Variants in EVL observed in about 807,000 individuals in gnomAD.
EVL encodes Enah/Vasp-like.
EVL carries 21 observed loss-of-function variants against 59.6 expected under a neutral mutation model. The observed-to-expected ratio is 0.35, with a 90% CI of 0.25 to 0.51. The LOEUF is 0.51. Among genes scored for constraint, EVL ranks in the 20% least tolerant of loss-of-function variants. The pLI is 0.97. For missense variants in EVL, 462 were observed against 546.6 expected (o/e 0.85, Z 1.54); for synonymous variants, 198 against 203.5 (o/e 0.97, Z 0.23).
intron 1 of EVL, among the ~76,000 whole-genome samples, chr14:100,011,150 T>C (rs999957500): frequency 6.6e-6 from 1 of 152,244 alleles, no homozygotes; most frequent in Admixed American, 6.5e-5. Context: ...TGATAAGCTA[T>C]GTTTAGATAT....
intron 3 of EVL, among the ~76,000 whole-genome samples, chr14:100,117,278 T>C (rs1001832358): frequency 2.0e-5 from 3 of 152,278 alleles, no homozygotes; most frequent in African/African-American, 7.2e-5. Context: ...GGGATACCTC[T>C]CCCGGTGCCA....
chr14:100,128,364 G>A (rs182939107), intron 5 of EVL, among the ~76,000 whole-genome samples, 155 bp from the exon 6 acceptor site: 803 of 152,280 alleles, frequency 5.3e-3, no homozygotes, highest in Non-Finnish European at 8.7e-3. Flanking sequence ...TTCATCCCGC[G>A]GAGGCTTCCT....
intron 7 of EVL, among the ~76,000 whole-genome samples, chr14:100,132,133 A>C (rs1888473897): frequency 6.6e-6 from 1 of 151,788 alleles, no homozygotes; most frequent in Admixed American, 6.6e-5. Flanking sequence ...TTTAGAGTAC[A>C]TGAAACGGGG....
chr14:100,071,805 C>G (rs997878067), intron 1 of EVL, among the ~76,000 whole-genome samples: 1 of 152,190 alleles, frequency 6.6e-6, no homozygotes, highest in African/African-American at 2.4e-5. Context: ...TTGAACTAAA[C>G]AGCTTTATGA....
chr14:100,043,675 C>G (rs548850615), intron 1 of EVL, among the ~76,000 whole-genome samples: 2 of 149,130 alleles, frequency 1.3e-5, no homozygotes, highest in African/African-American at 5.0e-5. Context: ...TACAGTGGCA[C>G]AATCATGGCA....
At chr14:100,040,724 G>T (rs1002526857) in intron 1 of EVL, among the ~76,000 whole-genome samples, 3 of 152,112 alleles carry the variant, frequency 2.0e-5, no homozygotes, top group African/African-American at 4.8e-5. Flanking sequence ...GACCTTTATT[G>T]CCTGTGTTTT....
intron 1 of EVL, among the ~76,000 whole-genome samples, chr14:100,032,830 A>G (rs961608577): frequency 6.6e-6 from 1 of 152,142 alleles, no homozygotes; most frequent in Admixed American, 6.5e-5. Context: ...CCTCTATCTT[A>G]TCCTCTTAAC....
intron 1 of EVL, among the ~76,000 whole-genome samples, chr14:100,048,474 C>T (rs1027785542): frequency 6.6e-6 from 1 of 152,182 alleles, no homozygotes; most frequent in Non-Finnish European, 1.5e-5. Flanking sequence ...AGATGAAATA[C>T]TGACAGTGCC....
At chr14:100,117,154 GGAA>G (rs1243184472) in intron 3 of EVL, among the ~76,000 whole-genome samples, 1 of 151,932 alleles carries the variant, frequency 6.6e-6, no homozygotes, top group Non-Finnish European at 1.5e-5. Flanking sequence ...TCACCCTTTG[GGAA>G]GAAGACTTTG....
chr14:100,023,081 T>A (rs533137206), intron 1 of EVL, among the ~76,000 whole-genome samples: 36 of 152,278 alleles, frequency 2.4e-4, no homozygotes, highest in African/African-American at 8.7e-4. Context: ...GGCCAGTGTT[T>A]TACAGCTGCC....
intron 3 of EVL, among the ~76,000 whole-genome samples, chr14:100,103,903 G>A (rs752478903): frequency 1.1e-4 from 17 of 152,310 alleles, no homozygotes; most frequent in East Asian, 3.9e-4. Flanking sequence ...TTCACATCCC[G>A]GCACCCAGGG....
At chr14:100,136,732 C>T (rs926371813) in intron 9 of EVL, among the ~76,000 whole-genome samples, 1 of 152,270 alleles carries the variant, frequency 6.6e-6, no homozygotes, top group Admixed American at 6.5e-5. Context: ...AGATTTTTGC[C>T]TGGTGTCTTG....
intron 1 of EVL, among the ~76,000 whole-genome samples, chr14:99,987,689 C>A (rs1420819801): frequency 1.3e-5 from 2 of 152,074 alleles, no homozygotes; most frequent in Non-Finnish European, 2.9e-5. Flanking sequence ...TTTGAGGGAG[C>A]TTGTTTGCCC....
intron 3 of EVL, among the ~76,000 whole-genome samples, chr14:100,115,876 G>A (rs1220053924): frequency 3.3e-5 from 5 of 152,246 alleles, no homozygotes; most frequent in East Asian, 1.9e-4. Context: ...AGCTGAGCTC[G>A]GAGGATAGGG....
chr14:100,068,559 C>T (rs1191921588), intron 1 of EVL, among the ~76,000 whole-genome samples: 1 of 152,174 alleles, frequency 6.6e-6, no homozygotes, highest in South Asian at 2.1e-4. Flanking sequence ...GAGGCTACCG[C>T]AGTCATCCAG....
intron 1 of EVL, among the ~76,000 whole-genome samples, chr14:100,006,250 G>A (rs1008242977): frequency 1.3e-5 from 2 of 149,192 alleles, no homozygotes; most frequent in African/African-American, 4.9e-5. Context: ...TGCTTTAATG[G>A]TAAGGAGCAA....
intron 4 of EVL, among the ~76,000 whole-genome samples, chr14:100,124,505 G>T (rs529599701): frequency 6.6e-6 from 1 of 152,314 alleles, no homozygotes; most frequent in Admixed American, 6.5e-5. Context: ...CTCCCCACCT[G>T]TCTCACCCAC....
At chr14:100,103,457 G>A (rs1861492372) in intron 3 of EVL, among the ~76,000 whole-genome samples, 1 of 152,056 alleles carries the variant, frequency 6.6e-6, no homozygotes, top group African/African-American at 2.4e-5. Flanking sequence ...TCTCAGCAAA[G>A]CTTTCCTCCT....
intron 1 of EVL, among the ~76,000 whole-genome samples, chr14:100,065,963 G>A (rs528363872): frequency 6.6e-6 from 1 of 152,300 alleles, no homozygotes; most frequent in East Asian, 1.9e-4. Context: ...GAACTTAATA[G>A]CAAGAGTCCT....
Sources: gnomAD v4.1 joint callset for allele counts (sites outside exome capture counted in the v4.1 genomes callset) on GRCh38, gnomAD v4.1.1 for gene constraint, MANE v1.5 for transcripts, NCBI Gene and HGNC (gene_info 2026-07-23, HGNC 2026-07-21) for gene names.